SACS: variants seen among roughly 807,000 people sequenced by gnomAD.
SACS encodes the protein sacsin molecular chaperone.
Under a neutral mutation model 348.0 loss-of-function variants are expected in SACS, and 197 were observed. The ratio of observed to expected loss-of-function variants is 0.57; its 90% CI spans 0.50 to 0.64. SACS has a LOEUF of 0.64. Ranked by LOEUF, SACS falls within the 30% of genes least tolerant of loss-of-function variation. The probability of loss-of-function intolerance (pLI) is 0.00; values close to 1 mark genes in which losing one functional copy is unlikely to be tolerated. For synonymous variants in SACS, 1,985 were observed against 1,910.6 expected (o/e 1.04, Z -1.02); for missense variants, 4,999 against 5,360.8 (o/e 0.93, Z 2.11).
intron 1 of SACS, chr13:23,419,005 C>T (rs116219973): frequency 4.6e-5 from 7 of 152,310 alleles, no homozygotes; most frequent in Non-Finnish European, 8.8e-5. Flanking sequence ...AAGATGTTCT[C>T]GCTTCTCTGC....
chr13:23,393,814 G>C (rs1041269600), intron 2 of SACS, among the ~76,000 whole-genome samples: 1 of 151,978 alleles, frequency 6.6e-6, no homozygotes, highest in African/African-American at 2.4e-5. Context: ...AGGCTGGAGT[G>C]CAGTGGCACG....
chr13:23,394,532 T>C (rs1032620707), intron 2 of SACS, among the ~76,000 whole-genome samples: 10 of 152,180 alleles, frequency 6.6e-5, no homozygotes, highest in African/African-American at 2.4e-4. Context: ...CTTTAACACT[T>C]ACAGTGTCAT....
chr13:23,413,901 T>G lies in SACS; in HGVS notation c.-501-2161A>C, dbSNP rs184258108. 2.6e-5 allele frequency among the ~76,000 whole-genome samples: 4 copies of G among 152,334 alleles called. No individual in the cohort carries two copies. The East Asian group carries it at 7.7e-4, about 29-fold the overall frequency. ...CTATATTAGCAAGAGGATGGAAACC[T>G]TTTGTATGATAATAGACTTAAAATT... On this transcript the variant is annotated intron_variant, in intron 1 of 9. Coordinates refer to ENST00000382292, the MANE Select transcript of SACS (RefSeq NM_014363.6).
chr13:23,432,775 G>T (rs991036475), intron 1 of SACS, among the ~76,000 whole-genome samples: 1 of 152,150 alleles, frequency 6.6e-6, no homozygotes, highest in Non-Finnish European at 1.5e-5. Flanking sequence ...AGCAGCTTGC[G>T]CTTGGGAAGC....
intron 2 of SACS, among the ~76,000 whole-genome samples, chr13:23,387,875 T>G (rs959596457): frequency 1.4e-4 from 22 of 152,016 alleles, no homozygotes; most frequent in African/African-American, 5.1e-4. Flanking sequence ...ATCAGAGAAA[T>G]GCATATTAAA....
In SACS at chr13:23,331,817, T is replaced by C. The variant is rs1328721442; in HGVS notation, c.12059A>G (p.Lys4020Arg). The change falls in exon 10 of 10, where the codon AAG (lysine) becomes AGG (arginine). Residue 4020 changes from lysine to arginine, a missense_variant. Lys to Arg is a conservative substitution (Grantham distance 26). This residue lies in a region of SACS where 831 missense variants were observed against 941.8 expected (regional missense o/e 0.88). Coordinates refer to ENST00000382292, the MANE Select transcript of SACS (RefSeq NM_014363.6). ...CAGAAAAGCATTATCATTTTCATGC[T>C]TCATAATTCTAATCAGTCCTGTAAT... The part of the protein sequence containing the change: ...QFITGLIRIM[K>R]HENDNAFLAN... The C allele has an allele frequency of 9.3e-6, 15 of 1,613,920 alleles. No individual in the cohort carries two copies. Among genetic ancestry groups the C allele is most frequent in the Non-Finnish European group, 1.3e-5 (15 of 1,179,966 alleles).
rs1202652505 is a variant in SACS at position 23,354,808 on chromosome 13, C to T, written c.1804G>A (p.Ala602Thr). The change falls in exon 8 of 10, where the codon GCC becomes ACC. Residue 602 changes from alanine (A) to threonine (T), a missense_variant. Around this residue, in one of 6 missense-constraint regions of SACS, gnomAD observed 3,156 missense variants for 3,380.1 expected, o/e 0.93. Transcript: ENST00000382292. ...NYLQSSGKQI[A>T]KVPGNVDAAV... ...GCATCCACATTCCCTGGTACCTTGG[C>T]AATCTGCTTCCCTGAGCTCTGGAGG... 1 of 1,614,228 alleles carries T rather than the reference C, an allele frequency of 6.2e-7. No individual in the cohort carries two copies. Among genetic ancestry groups the T allele is most frequent in the Non-Finnish European group, 8.5e-7 (1 of 1,180,046 alleles).
Position 23,336,525 on chromosome 13 carries a change from T to A in SACS, c.7351A>T (p.Ile2451Leu), listed in dbSNP as rs753942848. The A allele has an allele frequency of 6.2e-7, 1 of 1,613,960 alleles. No homozygotes were observed. Among genetic ancestry groups the A allele is most frequent in the East Asian group, 2.2e-5 (1 of 44,874 alleles). Reference sequence around the variant, plus strand: ...ATAAGATTAGTATCTGGCAATAATATCTTGCCATAATTTTTCTCACAAAAT... The same window carrying A: ...ATAAGATTAGTATCTGGCAATAATAACTTGCCATAATTTTTCTCACAAAAT... Reference protein sequence around the residue: ...QEFCEKNYGKILLPDTNLMLL... With the variant: ...QEFCEKNYGKLLLPDTNLMLL... Residue 2451 changes from isoleucine to leucine, a missense_variant, in exon 10 of 10, where the codon ATA becomes TTA. Physicochemically the swap from Ile to Leu is conservative, Grantham distance 5. Coordinates refer to ENST00000382292, the MANE Select transcript of SACS (RefSeq NM_014363.6).
intron 2 of SACS, among the ~76,000 whole-genome samples, chr13:23,393,978 T>C (rs1402365172): frequency 6.6e-6 from 1 of 152,190 alleles, no homozygotes; most frequent in Admixed American, 6.5e-5. Flanking sequence ...TCCAGGATAG[T>C]CTGGATCTCC....
At chr13:23,408,657 T>A (rs1473811592) in intron 2 of SACS, among the ~76,000 whole-genome samples, 1 of 151,870 alleles carries the variant, frequency 6.6e-6, no homozygotes, top group Non-Finnish European at 1.5e-5. Context: ...AAGCCTAGAG[T>A]GGATCCTCTT....
Position 23,355,787 on chromosome 13 carries a change from A to T in SACS, c.825T>A (p.Leu275=), listed in dbSNP as rs2137727818. ...NFPGTFFRFP[L]RLQPSQLSSN... is the part of the protein sequence containing the mutation. ...TACTAAGTTGTGAAGGTTGTAGGCG[A>T]AGAGGGAAACGGAAAAATGTTCCTG... The change falls in exon 8 of 10, where the codon CTT becomes CTA. Residue 275 remains leucine, a synonymous_variant. Coordinates refer to ENST00000382292, the MANE Select transcript of SACS (RefSeq NM_014363.6). 6.2e-7 allele frequency: 1 copy of T among 1,614,204 alleles called. No individual in the cohort carries two copies. Among genetic ancestry groups the T allele is most frequent in the Non-Finnish European group, 8.5e-7 (1 of 1,180,034 alleles).
At chr13:23,350,881 C>T (rs552344966) in intron 9 of SACS, among the ~76,000 whole-genome samples, 1 of 152,292 alleles carries the variant, frequency 6.6e-6, no homozygotes, top group Admixed American at 6.5e-5. Context: ...TGCACATGCT[C>T]AGCAGGACTC....
Position 23,329,886 on chromosome 13 carries a change from G to T in SACS, c.*250C>A. On this transcript the variant is annotated 3_prime_UTR_variant, in exon 10 of 10. Coordinates refer to ENST00000382292, the MANE Select transcript of SACS (RefSeq NM_014363.6). ...GTTATATAAAGTGCAGTTCAATGAT[G>T]TATCATCCCAATCATTCAAATCCAT... The T allele has an allele frequency of 7.3e-6, 4 of 545,942 alleles. No individual in the cohort carries two copies. The highest frequency in any genetic ancestry group is 1.3e-5 in the Non-Finnish European group (4 of 305,470). 33.8% of individuals were successfully genotyped at this position (545,942 alleles called of 1,614,324 possible).
chr13:23,387,406 G>C (rs1872336627), intron 2 of SACS, among the ~76,000 whole-genome samples: 1 of 145,406 alleles, frequency 6.9e-6, no homozygotes, highest in Non-Finnish European at 1.5e-5. Context: ...AGCTTGCAGT[G>C]AGCAGAGATC....
At chr13:23,345,043 T>G (rs1411605366) in intron 9 of SACS, among the ~76,000 whole-genome samples, 1 of 152,230 alleles carries the variant, frequency 6.6e-6, no homozygotes, top group Admixed American at 6.5e-5. Context: ...ACTGAGAGTT[T>G]ACTACATTCA....
Position 23,331,918 on chromosome 13 carries a change from A to T in SACS, c.11958T>A (p.Thr3986=). The change falls in exon 10 of 10, where the codon ACT becomes ACA. Residue 3986 remains threonine (T), a synonymous_variant. Coordinates refer to ENST00000382292, the MANE Select transcript of SACS (RefSeq NM_014363.6). ...SILEEQLDEE[T]PKVCQFGALC... The stretch of plus-strand genomic sequence containing the variant: ...ACGCTCCAAACTGACAAACTTTGGG[A>T]GTCTCTTCATCTAATTGTTCTTCAA... 7 of 1,614,058 alleles carry T rather than the reference A, an allele frequency of 4.3e-6. No individual in the cohort carries two copies. Among genetic ancestry groups the T allele is most frequent in the Non-Finnish European group, 5.9e-6 (7 of 1,179,950 alleles).
At chr13:23,380,450 T>C (rs989278330) in intron 2 of SACS, among the ~76,000 whole-genome samples, 9 of 152,092 alleles carry the variant, frequency 5.9e-5, no homozygotes, top group African/African-American at 1.7e-4. Flanking sequence ...CCTGCAACTG[T>C]CTCTGAAATA....
At position 23,335,200 on chromosome 13, in the gene SACS, G is replaced by A; in HGVS notation, c.8676C>T (p.Ala2892=). 1.9e-6 allele frequency: 3 copies of A among 1,613,886 alleles called. No individual in the cohort carries two copies. The highest frequency in any genetic ancestry group is 2.5e-6 in the Non-Finnish European group (3 of 1,179,888). The part of the protein sequence containing the change: ...HVNGHFALDS[A]RRNLWRDDNG... ...TATCATCACGCCACAGGTTCCTTCT[G>A]GCTGAATCCAGTGCAAAGTGGCCAT... is the stretch of plus-strand genomic sequence containing the variant. Residue 2892 remains alanine (A), a synonymous_variant, in exon 10 of 10, where the codon GCC becomes GCT. Transcript: ENST00000382292. This position sits in a 1 kb window ranked among gnomAD's most constrained non-coding sequence, Gnocchi z 4.7.
Position 23,339,657 on chromosome 13 carries a change from C to A in SACS, c.4219G>T (p.Asp1407Tyr), listed in dbSNP as rs1869011027. Residue 1407 changes from aspartate to tyrosine, a missense_variant, in exon 10 of 10, where the codon GAC becomes TAC. This residue lies in a region of SACS where 3,156 missense variants were observed against 3,380.1 expected (regional missense o/e 0.93). Transcript: ENST00000382292. ...GAATCTTCAAGTAAGTCATTAAGGT[C>A]ATCAACTTTAATGTCACAATAACAG... Reference protein sequence around the residue: ...ECCYCDIKVDDLNDLLEDSVE... With the variant: ...ECCYCDIKVDYLNDLLEDSVE... 1.9e-6 allele frequency: 3 copies of A among 1,613,532 alleles called. No individual in the cohort carries two copies. Among genetic ancestry groups the A allele is most frequent in the Non-Finnish European group, 2.5e-6 (3 of 1,179,684 alleles).
Sources: allele counts gnomAD v4.1 joint callset (sites outside exome capture counted in the v4.1 genomes callset), GRCh38; gene constraint gnomAD v4.1.1; regional missense constraint gnomAD v4.1.1; non-coding constraint Gnocchi (gnomAD v3.1); transcripts MANE v1.5; gene names NCBI Gene and HGNC (gene_info 2026-07-23, HGNC 2026-07-21).